Variants in EXTL3 observed in about 807,000 individuals in gnomAD.
EXTL3 encodes the protein exostosin like glycosyltransferase 3, also known as exostosin-like 3.
Under a neutral mutation model 69.3 loss-of-function variants are expected in EXTL3, and 27 were observed. That is an observed-to-expected ratio of 0.39 (90% CI 0.29 to 0.54). The LOEUF (loss-of-function observed/expected upper bound fraction) is 0.54. Ranked by LOEUF, EXTL3 falls within the 20% of genes least tolerant of loss-of-function variation. The pLI is 0.69. For missense variants in EXTL3, 1,003 were observed against 1,231.8 expected, an observed-to-expected ratio of 0.81 and a Z score of 2.78; for synonymous variants, 511 against 499.4, an observed-to-expected ratio of 1.02 and a Z score of -0.31.
chr8:28,724,898 A>C (rs867571107), intron 3 of EXTL3, among the ~76,000 whole-genome samples: 19 of 151,840 alleles, frequency 1.3e-4, no homozygotes, highest in African/African-American at 4.4e-4. Context: ...CACTCACTTC[A>C]AGCTCTGTTA....
chr8:28,644,390 C>T (rs565955269), intron 1 of EXTL3, among the ~76,000 whole-genome samples: 1 of 152,182 alleles, frequency 6.6e-6, no homozygotes, highest in South Asian at 2.1e-4. Context: ...AGTACAGTCT[C>T]AACTGTTAAT....
At chr8:28,732,769 G>A (rs1801565778) in intron 4 of EXTL3, among the ~76,000 whole-genome samples, 1 of 152,158 alleles carries the variant, frequency 6.6e-6, no homozygotes, top group Non-Finnish European at 1.5e-5. Context: ...TGTTGCGCAG[G>A]CTGGAGTGCA....
chr8:28,719,621 A>G (rs1175991320), intron 3 of EXTL3, among the ~76,000 whole-genome samples: 1 of 152,220 alleles, frequency 6.6e-6, no homozygotes, highest in East Asian at 1.9e-4. Context: ...TTTTTATCCC[A>G]GTGTATTTTG....
At chr8:28,615,600 C>T (rs1806321078) in intron 2 of EXTL3, among the ~76,000 whole-genome samples, 1 of 152,136 alleles carries the variant, frequency 6.6e-6, no homozygotes, top group Non-Finnish European at 1.5e-5. Context: ...TGGAGCCTTG[C>T]TCTGTCACCC....
At chr8:28,738,026 G>A (rs904812460) in intron 5 of EXTL3, among the ~76,000 whole-genome samples, 8 of 152,136 alleles carry the variant, frequency 5.3e-5, no homozygotes, top group African/African-American at 1.9e-4. Flanking sequence ...GGTGACCTGG[G>A]CACTTTTCTG....
Position 28,751,432 on chromosome 8 carries a change from C to T in EXTL3, c.*566C>T, listed in dbSNP as rs1015572308. The stretch of plus-strand genomic sequence containing the variant: ...ATCCTTAAAGATCATCTCCCATCCT[C>T]CCCAGCGCCATCTGTGTGCAGCAAC... On this transcript the variant is annotated 3_prime_UTR_variant, in exon 7 of 7. Transcript: ENST00000220562. 1.7e-4 allele frequency: 26 copies of T among 155,470 alleles called. No individual in the cohort carries two copies. The highest frequency in any genetic ancestry group is 6.8e-3 in the Middle Eastern group (2 of 294). The allele number at this position is 155,470 out of a possible 1,614,324, so 9.6% of individuals were successfully genotyped here.
At chr8:28,734,454 G>A (rs1394106894) in intron 4 of EXTL3, among the ~76,000 whole-genome samples, 1 of 152,196 alleles carries the variant, frequency 6.6e-6, no homozygotes, top group Non-Finnish European at 1.5e-5. Flanking sequence ...GCTTACACCT[G>A]TAATCCCAGC....
chr8:28,652,947 C>T (rs1806950640), intron 1 of EXTL3, among the ~76,000 whole-genome samples: 1 of 152,138 alleles, frequency 6.6e-6, no homozygotes, highest in South Asian at 2.1e-4. Context: ...TCCACACATG[C>T]ATAGGCTGAC....
chr8:28,723,663 A>T (rs1484170813), intron 3 of EXTL3, among the ~76,000 whole-genome samples: 7 of 128,850 alleles, frequency 5.4e-5, no homozygotes, highest in Non-Finnish European at 1.2e-4. Flanking sequence ...TTTTTTTGAG[A>T]CAGAGTCTCA....
intron 1 of EXTL3, among the ~76,000 whole-genome samples, chr8:28,656,110 G>T (rs1807006114): frequency 6.6e-6 from 1 of 152,070 alleles, no homozygotes; most frequent in South Asian, 2.1e-4. Flanking sequence ...TCTGTGGCAT[G>T]CTAGACCCTG....
intron 2 of EXTL3, among the ~76,000 whole-genome samples, chr8:28,715,273 CT>C (rs1475485877): frequency 6.6e-6 from 1 of 152,152 alleles, no homozygotes; most frequent in Admixed American, 6.6e-5. Flanking sequence ...CCATGGACAT[CT>C]TTGTCCCATG....
In EXTL3 at chr8:28,750,558, G is replaced by A. The variant is rs566312873; in HGVS notation, c.2551-99G>A. ...GGATGTTGCCCCTGAGGGGATCAGCGTCTTCACCATGGACATGGGAGTGTG... is the reference window on the plus strand; with the variant it reads ...GGATGTTGCCCCTGAGGGGATCAGCATCTTCACCATGGACATGGGAGTGTG... On this transcript the variant is annotated intron_variant, in intron 6 of 6. Coordinates refer to ENST00000220562, the MANE Select transcript of EXTL3 (RefSeq NM_001440.4). The surrounding 1 kb of genome is among the most constrained non-coding windows in gnomAD (Gnocchi z 5.2). 3.7e-5 allele frequency: 37 copies of A among 1,005,140 alleles called. No homozygotes were observed. Among genetic ancestry groups the A allele is most frequent in the South Asian group, 1.8e-4 (14 of 76,220 alleles). The allele number at this position is 1,005,140 out of a possible 1,614,324, so 62.3% of individuals were successfully genotyped here. A position where few individuals can be genotyped will look rare whatever the true frequency, so the allele number is the denominator to read the frequency against.
At chr8:28,614,493 C>A (rs576913052) in intron 2 of EXTL3, among the ~76,000 whole-genome samples, 1 of 152,008 alleles carries the variant, frequency 6.6e-6, no homozygotes, top group Admixed American at 6.6e-5. Context: ...AGGCTGATCT[C>A]GAACTCTTGG....
rs998305073 is a variant in EXTL3 at position 28,655,857 on chromosome 8, A to G, written c.-53+33047A>G. 5.3e-5 allele frequency among the ~76,000 whole-genome samples: 8 copies of G among 152,242 alleles called. No homozygotes were observed. In the East Asian group the frequency reaches 9.6e-4, roughly 18 times the overall value. ...CAGGCATCACATTTCTCAATCTGCT[A>G]TTTACAGAATGATTCAACCTGGTCA... On this transcript the variant is annotated intron_variant, in intron 1 of 6. Coordinates refer to the EXTL3 transcript ENST00000523149.
Position 28,753,284 on chromosome 8 carries a change from C to CG in EXTL3, c.*2421dup, listed in dbSNP as rs1293079548. The CG allele has an allele frequency of 5.3e-5, 8 of 152,248 alleles. No homozygotes were observed. The highest frequency in any genetic ancestry group is 7.3e-5 in the Non-Finnish European group (5 of 68,082). The allele number at this position is 152,248 out of a possible 1,614,324, so 9.4% of individuals were successfully genotyped here. ...GATGGGAAAGCGGCGCCACAGACCC[C>CG]GGGTCTCCTTGGCTGTCTGTGGGCC... is the stretch of plus-strand genomic sequence containing the variant. On this transcript the variant is annotated 3_prime_UTR_variant, in exon 7 of 7. Coordinates refer to ENST00000220562, the MANE Select transcript of EXTL3 (RefSeq NM_001440.4).
rs117160578 is a variant in EXTL3 at position 28,644,431 on chromosome 8, G to T, written c.-53+21621G>T. 4.8e-3 allele frequency among the ~76,000 whole-genome samples: 732 copies of T among 152,198 alleles called. 3 individuals carry two copies. Among genetic ancestry groups the T allele is most frequent in the Non-Finnish European group, 8.5e-3 (577 of 68,028 alleles). ...ATAAAATGTTTGGCCCAGTGCGGTG[G>T]CTCACACCTGTAATCCCAGCACTTT... On this transcript the variant is annotated intron_variant, in intron 1 of 6. Transcript: ENST00000523149.
chr8:28,662,945 A>T (rs2130625902), intron 1 of EXTL3, among the ~76,000 whole-genome samples: 2 of 152,288 alleles, frequency 1.3e-5, no homozygotes, highest in Non-Finnish European at 2.9e-5. Context: ...AGACAGAGTG[A>T]AACCCTGTCT....
intron 1 of EXTL3, among the ~76,000 whole-genome samples, chr8:28,642,938 G>C (rs1355955023): frequency 1.4e-5 from 1 of 72,984 alleles, no homozygotes; most frequent in Non-Finnish European, 2.6e-5. Context: ...ACAGGTGTAG[G>C]GTACAGAAAT....
chr8:28,679,378 A>G (rs1042407660), intron 1 of EXTL3, among the ~76,000 whole-genome samples: 3 of 152,148 alleles, frequency 2.0e-5, no homozygotes, highest in Non-Finnish European at 2.9e-5. Context: ...CCTGGGAGGC[A>G]GAGGTTACAG....
Sources: allele counts gnomAD v4.1 joint callset (sites outside exome capture counted in the v4.1 genomes callset), GRCh38; gene constraint gnomAD v4.1.1; non-coding constraint Gnocchi (gnomAD v3.1); transcripts MANE v1.5; gene names NCBI Gene and HGNC (gene_info 2026-07-23, HGNC 2026-07-21).